The following EML4 variants were observed in gnomAD, a reference collection of about 807,000 sequenced individuals.
EML4 encodes echinoderm microtubule-associated protein-like 4.
EML4 carries 72 observed loss-of-function variants against 129.0 expected under a neutral mutation model. The observed-to-expected ratio is 0.56, with a 90% CI of 0.46 to 0.68. The LOEUF is 0.68. EML4 is among the 30% of genes least tolerant of loss of function. The pLI is 0.00. For synonymous variants in EML4, 532 were observed against 405.0 expected (o/e 1.31, Z -3.77); for missense variants, 1,363 against 1,190.6 (o/e 1.14, Z -2.13).
intron 19 of EML4, among the ~76,000 whole-genome samples, chr2:42,324,225 G>T (rs1475719570): frequency 6.6e-6 from 1 of 152,184 alleles, no homozygotes; most frequent in African/African-American, 2.4e-5. Context: ...AACCTGAGAG[G>T]TGGAGATTGC....
At chr2:42,327,583 T>C (rs1669875543) in intron 21 of EML4, among the ~76,000 whole-genome samples, 1 of 152,236 alleles carries the variant, frequency 6.6e-6, no homozygotes, top group Non-Finnish European at 1.5e-5. Context: ...GAGAATTATA[T>C]AAAGATAACT....
At chr2:42,312,503 A>T (rs184227842) in intron 17 of EML4, among the ~76,000 whole-genome samples, 1 of 152,062 alleles carries the variant, frequency 6.6e-6, no homozygotes, top group African/African-American at 2.4e-5. Context: ...CCACAACCCC[A>T]TATCATAACC....
At position 42,330,172 on chromosome 2, in the gene EML4, C is replaced by G. The variant is rs751950670; in HGVS notation, c.2911C>G (p.Leu971Val). ...CAAGGAGCAGGCCAAAGCCACCCTT[C>G]TGGAGGACCAGCAAGACCCTTCGCC... ...ISKEQAKATLLEDQQDPSPSS is the reference protein window; with the variant it reads ...ISKEQAKATLVEDQQDPSPSS Residue 971 changes from leucine (L) to valine (V), a missense_variant, in exon 23 of 23, where the codon CTG becomes GTG. Coordinates refer to ENST00000318522, the MANE Select transcript of EML4 (RefSeq NM_019063.5). 1 of 1,612,614 alleles carries G rather than the reference C, an allele frequency of 6.2e-7. No homozygotes were observed. Among genetic ancestry groups the G allele is most frequent in the East Asian group, 2.2e-5 (1 of 44,850 alleles).
At chr2:42,308,293 C>G (rs1293888072) in intron 17 of EML4, among the ~76,000 whole-genome samples, 4 of 152,076 alleles carry the variant, frequency 2.6e-5, no homozygotes, top group Admixed American at 1.3e-4. Flanking sequence ...ATTGCTTGAG[C>G]CCAGGAGTTT....
intron 14 of EML4, 82 bp downstream of exon 14, chr2:42,301,474 T>C (rs1387591324): frequency 2.8e-6 from 3 of 1,085,646 alleles, no homozygotes; most frequent in East Asian, 6.1e-5. Context: ...CTTATACTTT[T>C]CTGGCAAACT....
intron 7 of EML4, among the ~76,000 whole-genome samples, chr2:42,281,497 G>T (rs539749453): frequency 6.6e-6 from 1 of 151,854 alleles, no homozygotes; most frequent in East Asian, 1.9e-4. Context: ...AATATTTTTT[G>T]AACATCATGG....
At chr2:42,296,639 T>G (rs1287859516) in intron 13 of EML4, among the ~76,000 whole-genome samples, 1 of 152,188 alleles carries the variant, frequency 6.6e-6, no homozygotes, top group African/African-American at 2.4e-5. Flanking sequence ...TGTCTGGCAT[T>G]TGCTATTAGC....
At position 42,316,100 on chromosome 2, in the gene EML4, C is replaced by G. The variant is rs748633719; in HGVS notation, c.2056+50C>G. 3 of 1,247,884 alleles carry G rather than the reference C, an allele frequency of 2.4e-6. No homozygotes were observed. The East Asian group carries it at 7.0e-5, about 29-fold the overall frequency. 77.3% of individuals were successfully genotyped at this position (1,247,884 alleles called of 1,614,324 possible). On this transcript the variant is annotated intron_variant, in intron 18 of 22. Coordinates refer to ENST00000318522, the MANE Select transcript of EML4 (RefSeq NM_019063.5). ...CAAGCATGGCATTCACAGCACTTCA[C>G]TGCAATTGCATAGTTTTACTTCTAA...
chr2:42,307,833 C>G (rs947342735), intron 17 of EML4, among the ~76,000 whole-genome samples: 1 of 152,014 alleles, frequency 6.6e-6, no homozygotes, highest in African/African-American at 2.4e-5. Context: ...TTTTGTATTT[C>G]TAGTAGAGAC....
intron 1 of EML4, among the ~76,000 whole-genome samples, chr2:42,231,422 C>T (rs146959889): frequency 4.3e-4 from 66 of 152,248 alleles, no homozygotes; most frequent in African/African-American, 1.5e-3. Context: ...AGCCCAAGAC[C>T]TAGTTATACT....
chr2:42,293,821 G>A (rs1326823124), intron 11 of EML4, among the ~76,000 whole-genome samples: 4 of 152,106 alleles, frequency 2.6e-5, no homozygotes, highest in African/African-American at 7.2e-5. Context: ...ATCTTGGCCA[G>A]GCTGATCTTG....
intron 1 of EML4, among the ~76,000 whole-genome samples, chr2:42,175,306 G>C (rs1670537824): frequency 6.6e-6 from 1 of 151,700 alleles, no homozygotes; most frequent in Admixed American, 6.6e-5. Flanking sequence ...GTAGAGATGG[G>C]GTTTCACTGT....
intron 21 of EML4, 148 bp from the exon 22 acceptor site, chr2:42,328,738 C>A (rs578186261): frequency 3.2e-6 from 2 of 629,230 alleles, no homozygotes; most frequent in East Asian, 6.3e-5. Context: ...GTGTGAGCCA[C>A]TGAGAAATTT....
chr2:42,282,681 T>C lies in EML4; in HGVS notation c.792-142T>C, dbSNP rs888667203. The stretch of plus-strand genomic sequence containing the variant: ...GGGCTAGGATTACACGTGTGAGCAC[T>C]CTGCCCGTCCAGGACATGAGTTTTC... On this transcript the variant is annotated intron_variant, in intron 7 of 22. Coordinates refer to ENST00000318522, the MANE Select transcript of EML4 (RefSeq NM_019063.5). 1.4e-5 allele frequency: 10 copies of C among 720,716 alleles called. No homozygotes were observed. The African/African-American group carries it at 1.8e-4, about 13-fold the overall frequency. 44.6% of individuals were successfully genotyped at this position (720,716 alleles called of 1,614,324 possible).
At chr2:42,244,664 T>C (rs564815999) in intron 1 of EML4, among the ~76,000 whole-genome samples, 1 of 152,106 alleles carries the variant, frequency 6.6e-6, no homozygotes, top group South Asian at 2.1e-4. Flanking sequence ...CAATACCGAG[T>C]TCTGTGGGGT....
intron 19 of EML4, among the ~76,000 whole-genome samples, chr2:42,320,735 G>C (rs1669472295): frequency 6.6e-6 from 1 of 152,220 alleles, no homozygotes; most frequent in East Asian, 1.9e-4. Flanking sequence ...GGAATATTAA[G>C]GTTGTTTTAT....
intron 1 of EML4, among the ~76,000 whole-genome samples, chr2:42,180,943 C>T (rs539691163): frequency 6.6e-6 from 1 of 152,208 alleles, no homozygotes; most frequent in East Asian, 1.9e-4. Context: ...GTTTTGTAGA[C>T]TGTCCCTAAA....
intron 17 of EML4, 99 bp downstream of exon 17, chr2:42,304,650 T>G: frequency 1.1e-6 from 1 of 904,178 alleles, no homozygotes; most frequent in Non-Finnish European, 1.8e-6. Context: ...ATCTCTTAAG[T>G]GGCACACTAA....
At chr2:42,230,302 A>C (rs1042086234) in intron 1 of EML4, among the ~76,000 whole-genome samples, 15 of 152,356 alleles carry the variant, frequency 9.8e-5, no homozygotes, top group Non-Finnish European at 1.6e-4. Flanking sequence ...GGAATTTTAA[A>C]TGTAACTTTA....
Sources: allele counts gnomAD v4.1 joint callset (sites outside exome capture counted in the v4.1 genomes callset), GRCh38; gene constraint gnomAD v4.1.1; transcripts MANE v1.5; gene names NCBI Gene and HGNC (gene_info 2026-07-23, HGNC 2026-07-21).